Variants in LRRD1 observed in about 807,000 individuals in gnomAD.
LRRD1 encodes leucine-rich repeat and death domain-containing protein 1.
A neutral mutation model predicts 69.5 loss-of-function variants in LRRD1; 49 were observed. That is an observed-to-expected ratio of 0.70 (90% CI 0.56 to 0.89). LRRD1 has a LOEUF of 0.89. Ranked by LOEUF, LRRD1 falls within the 40% of genes least tolerant of loss-of-function variation. The probability of loss-of-function intolerance (pLI) is 0.00; values close to 1 mark genes in which losing one functional copy is unlikely to be tolerated. For synonymous variants in LRRD1, 303 were observed against 338.9 expected, an observed-to-expected ratio of 0.89 and a Z score of 1.16; for missense variants, 853 against 956.0, an observed-to-expected ratio of 0.89 and a Z score of 1.42.
chr7:92,175,564 C>A (rs1012679377), intron 1 of LRRD1, among the ~76,000 whole-genome samples: 26 of 152,092 alleles, frequency 1.7e-4, no homozygotes, highest in African/African-American at 4.6e-4. Context: ...AGGAGAATCG[C>A]CTGAACCCAT....
rs1457141013 is a variant in LRRD1, at chr7:92,164,128, T to G, written c.1075A>C (p.Asn359His). The G allele has an allele frequency of 7.7e-6, 12 of 1,550,022 alleles. 1 individual carries two copies. Residue 359 changes from asparagine to histidine, a missense_variant, in exon 2 of 6, where the codon AAT becomes CAT. Around this residue, in one of 3 missense-constraint regions of LRRD1, gnomAD observed 739 missense variants for 808.0 expected, o/e 0.91. Coordinates refer to ENST00000458448, the MANE Select transcript of LRRD1 (RefSeq NM_001161528.2). ...TTGTGTGAAATAACTTCCAATTTAT[T>G]GTCGGCCAGTTGGAGTTCTTTTATT... Reference protein sequence around the residue: ...LKIKELQLADNKLEVISHKIE... With the variant: ...LKIKELQLADHKLEVISHKIE...
intron 4 of LRRD1, among the ~76,000 whole-genome samples, chr7:92,147,977 C>A (rs1374236214): frequency 1.3e-5 from 2 of 152,118 alleles, no homozygotes; most frequent in Non-Finnish European, 2.9e-5. Context: ...AGTACAGTGG[C>A]GGGATCTCAT....
intron 1 of LRRD1, among the ~76,000 whole-genome samples, chr7:92,165,861 C>CAAA (rs750215030): frequency 3.3e-3 from 137 of 41,490 alleles, no homozygotes; most frequent in East Asian, 0.015. Flanking sequence ...AACTCCATCT[C>CAAA]AAAAAAAAAA....
intron 1 of LRRD1, among the ~76,000 whole-genome samples, chr7:92,172,489 A>C (rs1308173288): frequency 6.6e-6 from 1 of 152,194 alleles, no homozygotes; most frequent in African/African-American, 2.4e-5. Context: ...CATTCGGTAA[A>C]GTTTCAAGAT....
At chr7:92,152,716 G>A (rs542687236) in intron 3 of LRRD1, among the ~76,000 whole-genome samples, 3 of 146,768 alleles carry the variant, frequency 2.0e-5, no homozygotes, top group Non-Finnish European at 4.5e-5. Flanking sequence ...TGTTGCCCAC[G>A]CTGGAGTGCA....
At chr7:92,152,400 C>T (rs953599244) in intron 3 of LRRD1, among the ~76,000 whole-genome samples, 3 of 151,858 alleles carry the variant, frequency 2.0e-5, no homozygotes, top group African/African-American at 4.8e-5. Flanking sequence ...ACATAAATGA[C>T]ATTTGAAGAG....
chr7:92,142,836 G>C (rs1452572510), downstream of LRRD1: 1 of 423,150 alleles, frequency 2.4e-6, no homozygotes, highest in Non-Finnish European at 4.6e-6. Context: ...AGACCTGCGT[G>C]TTGAGTGTTA....
chr7:92,166,981 T>C (rs1788925065), intron 1 of LRRD1, among the ~76,000 whole-genome samples: 1 of 152,170 alleles, frequency 6.6e-6, no homozygotes, highest in South Asian at 2.1e-4. Flanking sequence ...TGGTCATTAG[T>C]CACAGATAAT....
chr7:92,152,140 AGTGTGTGTGT>A (rs71528038), intron 3 of LRRD1, among the ~76,000 whole-genome samples: 7 of 142,830 alleles, frequency 4.9e-5, no homozygotes, highest in African/African-American at 1.8e-4. Context: ...TGCTTCTGGG[AGTGTGTGTGT>A]GTGTGTGTGT....
At position 92,164,107 on chromosome 7, in the gene LRRD1, G is replaced by C; in HGVS notation, c.1096C>G (p.His366Asp). The stretch of plus-strand genomic sequence containing the variant: ...AGTTCCCTGAAATTCTCAATTTTGT[G>C]TGAAATAACTTCCAATTTATTGTCG... ...LADNKLEVIS[H>D]KIENFRELRI... The change falls in exon 2 of 6, where the codon CAC becomes GAC. Residue 366 changes from histidine (H) to aspartate (D), a missense_variant. His to Asp is a moderately conservative substitution (Grantham distance 81, BLOSUM62 -1). This residue lies in a region of LRRD1 where 739 missense variants were observed against 808.0 expected (regional missense o/e 0.91). Coordinates refer to ENST00000458448, the MANE Select transcript of LRRD1 (RefSeq NM_001161528.2). The C allele has an allele frequency of 6.5e-7, 1 of 1,548,658 alleles. No homozygotes were observed. Among genetic ancestry groups the C allele is most frequent in the Non-Finnish European group, 8.7e-7 (1 of 1,145,852 alleles).
intron 3 of LRRD1, among the ~76,000 whole-genome samples, chr7:92,156,792 G>A (rs185569917): frequency 1.5e-4 from 23 of 152,202 alleles, no homozygotes; most frequent in Non-Finnish European, 3.1e-4. Context: ...TGCTAGTTGG[G>A]ATTCCAGTTA....
At position 92,146,914 on chromosome 7, in the gene LRRD1, C is replaced by T. The variant is rs1820340972; in HGVS notation, c.2279-714G>A. 2.0e-5 allele frequency among the ~76,000 whole-genome samples: 3 copies of T among 147,164 alleles called. No individual in the cohort carries two copies. The South Asian group carries it at 6.5e-4, about 32-fold the overall frequency. On this transcript the variant is annotated intron_variant, in intron 4 of 5. Transcript: ENST00000458448. Reference sequence around the variant, plus strand: ...TCCAGCCTGGGCAACAAGAGTGAAACTCCGTCTCATAAAAAAAAAAAAAAA... The same window carrying T: ...TCCAGCCTGGGCAACAAGAGTGAAATTCCGTCTCATAAAAAAAAAAAAAAA...
At chr7:92,159,990 A>T (rs1788764205) in intron 2 of LRRD1, among the ~76,000 whole-genome samples, 1 of 152,106 alleles carries the variant, frequency 6.6e-6, no homozygotes, top group Non-Finnish European at 1.5e-5. Flanking sequence ...CACATGTTTT[A>T]TACTTTTTGT....
chr7:92,176,135 T>G (rs1416961296), intron 1 of LRRD1, among the ~76,000 whole-genome samples: 1 of 152,214 alleles, frequency 6.6e-6, no homozygotes, highest in African/African-American at 2.4e-5. Context: ...GTATCTTGCT[T>G]GGATTTCAGT....
intron 1 of LRRD1, among the ~76,000 whole-genome samples, chr7:92,171,008 A>T (rs1396984309): frequency 2.6e-5 from 4 of 152,240 alleles, no homozygotes; most frequent in African/African-American, 9.6e-5. Flanking sequence ...ATGAAAATGG[A>T]AATACAACAT....
chr7:92,165,075 G>C lies in LRRD1; in HGVS notation c.128C>G (p.Ala43Gly). Reference sequence around the variant, plus strand: ...AGATTTCCCTTCCAGGTAATCAGAAGCTTCGTTTATCAAATTTGATGTTTC... The same window carrying C: ...AGATTTCCCTTCCAGGTAATCAGAACCTTCGTTTATCAAATTTGATGTTTC... ...IKETSNLINE[A>G]SDYLEGKSSN... The change falls in exon 2 of 6, where the codon GCT becomes GGT. Residue 43 changes from alanine (A) to glycine (G), a missense_variant. Around this residue, in one of 3 missense-constraint regions of LRRD1, gnomAD observed 99 missense variants for 107.0 expected, o/e 0.92. Transcript: ENST00000458448. The C allele has an allele frequency of 2.6e-6, 4 of 1,551,518 alleles. No individual in the cohort carries two copies. The highest frequency in any genetic ancestry group is 3.5e-6 in the Non-Finnish European group (4 of 1,146,902).
chr7:92,154,400 C>T (rs1341505958), intron 3 of LRRD1, among the ~76,000 whole-genome samples: 2 of 152,006 alleles, frequency 1.3e-5, no homozygotes, highest in Non-Finnish European at 2.9e-5. Context: ...CCACCATGCC[C>T]AGCTCATTTT....
chr7:92,159,181 A>G lies in LRRD1; in HGVS notation c.1940T>C (p.Leu647Pro). The change falls in exon 3 of 6, where the codon CTA (leucine) becomes CCA (proline). Residue 647 changes from leucine (L) to proline (P), a missense_variant. By Grantham distance (98) the Leu-to-Pro change is moderately conservative. Coordinates refer to ENST00000458448, the MANE Select transcript of LRRD1 (RefSeq NM_001161528.2). ...TTCTTTAAGTTGAGTCATATTAGAT[A>G]GCTCTCCTGGAAGTCTTGTTAGCTG... ...GRKLTRLPGELSNMTQLKELD... is the reference protein window; with the variant it reads ...GRKLTRLPGEPSNMTQLKELD... The G allele has an allele frequency of 6.6e-7, 1 of 1,518,852 alleles. No individual in the cohort carries two copies. The highest frequency in any genetic ancestry group is 8.8e-7 in the Non-Finnish European group (1 of 1,135,238). The allele number at this position is 1,518,852 out of a possible 1,614,324, so 94.1% of individuals were successfully genotyped here. A position where few individuals can be genotyped will look rare whatever the true frequency, so the allele number is the denominator to read the frequency against.
chr7:92,145,120 G>A (rs754166211), intron 5 of LRRD1, 46 bp from the exon 6 acceptor site: 43 of 942,518 alleles, frequency 4.6e-5, no homozygotes, highest in East Asian at 1.7e-4. Flanking sequence ...ATTTATTAAC[G>A]TTTAATATAT....
Sources: allele counts gnomAD v4.1 joint callset (sites outside exome capture counted in the v4.1 genomes callset), GRCh38; gene constraint gnomAD v4.1.1; regional missense constraint gnomAD v4.1.1; transcripts MANE v1.5; gene names NCBI Gene and HGNC (gene_info 2026-07-23, HGNC 2026-07-21).